The following MAGI2 variants were observed in gnomAD, a reference collection of about 807,000 sequenced individuals.
MAGI2 encodes membrane associated guanylate kinase, WW and PDZ domain containing 2.
MAGI2 carries 35 observed loss-of-function variants against 133.3 expected under a neutral mutation model. The ratio of observed to expected loss-of-function variants is 0.26; its 90% CI spans 0.20 to 0.35. The LOEUF (loss-of-function observed/expected upper bound fraction) is 0.35, where lower values mean the gene tolerates loss of function less well. Ranked by LOEUF, MAGI2 falls within the 10% of genes least tolerant of loss-of-function variation. The pLI is 1.00. For synonymous variants in MAGI2, 729 were observed against 710.6 expected, an observed-to-expected ratio of 1.03 and a Z score of -0.41; for missense variants, 1,636 against 1,863.4, an observed-to-expected ratio of 0.88 and a Z score of 2.25.
intron 9 of MAGI2, among the ~76,000 whole-genome samples, chr7:78,296,664 C>A (rs375144757): frequency 6.6e-6 from 1 of 152,136 alleles, no homozygotes; most frequent in African/African-American, 2.4e-5. Context: ...TTTATTAGCT[C>A]ACTCCCTTTT....
rs1324860787 is a variant in MAGI2 at position 78,870,758 on chromosome 7, A to ATAT, written c.418+136331_418+136332insATA. Among the ~76,000 whole-genome samples, 7 of 152,318 alleles carry ATAT rather than the reference A, an allele frequency of 4.6e-5. No individual in the cohort carries two copies. The South Asian group carries it at 1.2e-3, about 27-fold the overall frequency. On this transcript the variant is annotated intron_variant, in intron 2 of 21. Coordinates refer to ENST00000354212, the MANE Select transcript of MAGI2 (RefSeq NM_012301.4). ...AAAGACACTTGCACAATCATGTTTT[A>ATAT]GCAGCACAATTCACAATTGCAAAAA...
intron 1 of MAGI2, among the ~76,000 whole-genome samples, chr7:79,189,229 G>A (rs1317990897): frequency 6.8e-6 from 1 of 147,946 alleles, no homozygotes; most frequent in East Asian, 2.0e-4. Context: ...AGTTCTACAG[G>A]CTATGTACCA....
chr7:78,481,295 A>G (rs527570347), intron 6 of MAGI2, among the ~76,000 whole-genome samples: 1 of 152,066 alleles, frequency 6.6e-6, no homozygotes, highest in African/African-American at 2.4e-5. Context: ...CACATCTTAC[A>G]TGGCGACAGG....
At chr7:78,605,603 T>C in intron 3 of MAGI2, among the ~76,000 whole-genome samples, 1 of 152,196 alleles carries the variant, frequency 6.6e-6, no homozygotes, top group East Asian at 1.9e-4. Context: ...TCTGTAATTA[T>C]TATGATGAAG....
Position 78,138,625 on chromosome 7 carries a change from T to TCACACATACACACA in MAGI2, c.2846-3420_2846-3419insTGTGTGTATGTGTG, listed in dbSNP as rs1491145483. Among the ~76,000 whole-genome samples the TCACACATACACACA allele has an allele frequency of 6.1e-3, 792 of 129,452 alleles. 12 individuals carry two copies. The highest frequency in any genetic ancestry group is 0.012 in the East Asian group (53 of 4,368). 84.9% of individuals were successfully genotyped at this position (129,452 alleles called of 152,430 possible). A position where few individuals can be genotyped will look rare whatever the true frequency, so the allele number is the denominator to read the frequency against. Reference sequence around the variant, plus strand: ...ATCCCAAATGTTTCAAAACATAGATTCACACACACACACACACACACACAC... The same window carrying TCACACATACACACA: ...ATCCCAAATGTTTCAAAACATAGATTCACACATACACACACACACACACACACACACACACACAC... On this transcript the variant is annotated intron_variant, in intron 16 of 21. Transcript: ENST00000354212.
chr7:78,762,139 G>T (rs886982956), intron 2 of MAGI2, among the ~76,000 whole-genome samples: 1 of 152,136 alleles, frequency 6.6e-6, no homozygotes, highest in Non-Finnish European at 1.5e-5. Flanking sequence ...AATGGAGACT[G>T]CCAAGAACAA....
At chr7:78,372,279 T>A (rs1793996491) in intron 6 of MAGI2, among the ~76,000 whole-genome samples, 1 of 152,140 alleles carries the variant, frequency 6.6e-6, no homozygotes, top group Non-Finnish European at 1.5e-5. Context: ...CACATCTAGA[T>A]GATGAAAAAT....
rs553546388 is a variant in MAGI2, at chr7:78,475,211, G to A, written c.1045+14550C>T. Among the ~76,000 whole-genome samples, 6 of 152,032 alleles carry A rather than the reference G, an allele frequency of 3.9e-5. No individual in the cohort carries two copies. In the East Asian group the frequency reaches 1.2e-3, roughly 30 times the overall value. On this transcript the variant is annotated intron_variant, in intron 6 of 21. Coordinates refer to ENST00000354212, the MANE Select transcript of MAGI2 (RefSeq NM_012301.4). ...TTTTAGTAATCAGAGTGGAATAAAG[G>A]AAACAATAGCAACAGCTGGCTTTGC...
intron 1 of MAGI2, among the ~76,000 whole-genome samples, chr7:79,389,406 A>G (rs1371370931): frequency 6.6e-6 from 1 of 152,150 alleles, no homozygotes; most frequent in African/African-American, 2.4e-5. Flanking sequence ...TACTTGAAAG[A>G]GAGAAGACTA....
At chr7:79,347,929 C>T (rs552005665) in intron 1 of MAGI2, among the ~76,000 whole-genome samples, 6 of 151,924 alleles carry the variant, frequency 3.9e-5, no homozygotes, top group Admixed American at 2.0e-4. Context: ...GTTAGTATCA[C>T]GTATACATTA....
chr7:78,964,955 G>T (rs761386494), intron 2 of MAGI2, among the ~76,000 whole-genome samples: 1 of 151,828 alleles, frequency 6.6e-6, no homozygotes, highest in African/African-American at 2.4e-5. Flanking sequence ...TCAAGAAAAA[G>T]AATCATAGAG....
rs571176381 is a variant in MAGI2 at position 79,333,014 on chromosome 7, T to C, written c.301+120006A>G. Among the ~76,000 whole-genome samples, 7 of 152,352 alleles carry C rather than the reference T, an allele frequency of 4.6e-5. No individual in the cohort carries two copies. The South Asian group carries it at 1.2e-3, about 27-fold the overall frequency. ...AGACTTGGGCAGGCTGACGAAAAGA[T>C]ACGTGATTTGTCAGTATAGCTCTCA... is the stretch of plus-strand genomic sequence containing the variant. On this transcript the variant is annotated intron_variant, in intron 1 of 21. Transcript: ENST00000354212.
At chr7:79,268,412 T>C (rs1368371844) in intron 1 of MAGI2, among the ~76,000 whole-genome samples, 1 of 152,222 alleles carries the variant, frequency 6.6e-6, no homozygotes, top group Non-Finnish European at 1.5e-5. Context: ...GCATTGACGA[T>C]GTATTAAGAA....
chr7:78,679,430 T>A (rs1211078437), intron 2 of MAGI2, among the ~76,000 whole-genome samples: 1 of 152,160 alleles, frequency 6.6e-6, no homozygotes, highest in Non-Finnish European at 1.5e-5. Flanking sequence ...CAAATATTTG[T>A]TAGGTAAATG....
intron 1 of MAGI2, among the ~76,000 whole-genome samples, chr7:79,314,004 G>T (rs1382574443): frequency 6.6e-6 from 1 of 151,422 alleles, no homozygotes; most frequent in Non-Finnish European, 1.5e-5. Context: ...ATGGAGTCTT[G>T]CTCTTGTTGC....
intron 1 of MAGI2, among the ~76,000 whole-genome samples, chr7:79,394,065 G>A (rs1222425677): frequency 6.6e-6 from 1 of 152,124 alleles, no homozygotes; most frequent in Non-Finnish European, 1.5e-5. Flanking sequence ...GTGTACAAGA[G>A]TTCTTCTAAG....
intron 16 of MAGI2, among the ~76,000 whole-genome samples, chr7:78,144,952 A>C (rs140106570): frequency 2.0e-4 from 30 of 149,928 alleles, no homozygotes; most frequent in African/African-American, 7.4e-4. Context: ...TCATTGTTCC[A>C]CTCCCACTTA....
At chr7:78,508,164 C>G (rs1011169726) in intron 4 of MAGI2, among the ~76,000 whole-genome samples, 2 of 152,038 alleles carry the variant, frequency 1.3e-5, no homozygotes, top group Admixed American at 6.6e-5. Context: ...AGGGTCTACC[C>G]CTACTCCAGG....
chr7:78,782,331 C>T (rs1031428579), intron 2 of MAGI2, among the ~76,000 whole-genome samples: 4 of 152,190 alleles, frequency 2.6e-5, no homozygotes, highest in African/African-American at 9.6e-5. Flanking sequence ...CCTCGTCTTT[C>T]CATTCTTCGC....
Sources: allele counts gnomAD v4.1 joint callset (sites outside exome capture counted in the v4.1 genomes callset), GRCh38; gene constraint gnomAD v4.1.1; transcripts MANE v1.5; gene names NCBI Gene and HGNC (gene_info 2026-07-23, HGNC 2026-07-21).